FANCB: variants seen among roughly 807,000 people sequenced by gnomAD.
The protein encoded by FANCB is Fanconi anemia group B protein.
FANCB carries 5 observed loss-of-function variants against 38.9 expected under a neutral mutation model. The ratio of observed to expected loss-of-function variants is 0.13; its 90% CI spans 0.07 to 0.27. The LOEUF is 0.27. Ranked by LOEUF, FANCB falls within the 10% of genes least tolerant of loss-of-function variation. FANCB has a pLI of 1.00. For synonymous variants in FANCB, 236 were observed against 215.4 expected, an observed-to-expected ratio of 1.10 and a Z score of -0.84; for missense variants, 573 against 602.7, an observed-to-expected ratio of 0.95 and a Z score of 0.52.
chrX:14,867,620 A>G (rs2092475500), intron 2 of FANCB, among the ~76,000 whole-genome samples: 1 of 111,265 alleles, frequency 9.0e-6, no homozygotes, highest in Non-Finnish European at 1.9e-5. Flanking sequence ...AAATTATTAC[A>G]CTACCAGAAC....
chrX:14,857,983 C>A, intron 4 of FANCB, 29 bp from the exon 5 acceptor site: 4 of 915,741 alleles, frequency 4.4e-6, no homozygotes, highest in Non-Finnish European at 6.3e-6. Context: ...AATAAATACA[C>A]TAAGACTGAA....
At chrX:14,810,449 A>C in the FANCB span, among the ~76,000 whole-genome samples, 1 of 112,146 alleles carries the variant, frequency 8.9e-6, no homozygotes, top group Non-Finnish European at 1.9e-5. Context: ...AGCTAGAATA[A>C]CCAATACAGA....
At chrX:14,722,538 A>G in the FANCB span, among the ~76,000 whole-genome samples, 1 of 111,503 alleles carries the variant, frequency 9.0e-6, no homozygotes, top group Non-Finnish European at 1.9e-5. Flanking sequence ...GGGGATACAG[A>G]CCCCATGTCT....
the FANCB span, among the ~76,000 whole-genome samples, chrX:14,746,087 A>G: frequency 8.9e-6 from 1 of 111,996 alleles, no homozygotes; most frequent in East Asian, 2.8e-4. Flanking sequence ...GGGGAGCAAG[A>G]TGAAGATGTG....
chrX:14,780,327 T>C, the FANCB span, among the ~76,000 whole-genome samples: 1 of 110,930 alleles, frequency 9.0e-6, no homozygotes, highest in African/African-American at 3.4e-5. Flanking sequence ...AAGTCGAATA[T>C]TGAAATCACT....
At chrX:14,696,242 C>T in the FANCB span, among the ~76,000 whole-genome samples, 5 of 103,903 alleles carry the variant, frequency 4.8e-5, no homozygotes, top group Admixed American at 2.1e-4. Context: ...GAGGGAGGGA[C>T]GGAAGTGAAG....
chrX:14,793,556 A>G, the FANCB span, among the ~76,000 whole-genome samples: 1 of 112,416 alleles, frequency 8.9e-6, no homozygotes, highest in Non-Finnish European at 1.9e-5. Context: ...TGTTACGAAA[A>G]AAAGATCAAA....
At chrX:14,858,162 T>C (rs1402247130) in intron 4 of FANCB, among the ~76,000 whole-genome samples, 4 of 110,989 alleles carry the variant, frequency 3.6e-5, no homozygotes, top group African/African-American at 1.3e-4. Flanking sequence ...GAGGCCAAGG[T>C]GGGCAGATCA....
chrX:14,865,984 A>G (rs1196977882), intron 2 of FANCB, among the ~76,000 whole-genome samples: 4 of 111,773 alleles, frequency 3.6e-5, no homozygotes, highest in Non-Finnish European at 7.5e-5. Context: ...TGACAATTCA[A>G]TTAGGGGTTT....
the FANCB span, among the ~76,000 whole-genome samples, chrX:14,714,994 G>C: frequency 1.4e-3 from 157 of 111,756 alleles, no homozygotes; most frequent in African/African-American, 4.1e-3. Context: ...AATTTATTTG[G>C]TAAAATATTT....
chrX:14,756,723 T>C, the FANCB span, among the ~76,000 whole-genome samples: 2 of 111,761 alleles, frequency 1.8e-5, no homozygotes, highest in Non-Finnish European at 3.8e-5. Flanking sequence ...GCTCTTCTCT[T>C]CTCTCCACGT....
chrX:14,708,092 A>G, the FANCB span, among the ~76,000 whole-genome samples: 1 of 110,805 alleles, frequency 9.0e-6, no homozygotes, highest in Non-Finnish European at 1.9e-5. Flanking sequence ...CTATAGTCAC[A>G]TTGTTGTACA....
At chrX:14,763,383 T>C in the FANCB span, among the ~76,000 whole-genome samples, 9 of 111,855 alleles carry the variant, frequency 8.0e-5, no homozygotes, top group Non-Finnish European at 1.3e-4. Context: ...TATGAATGAA[T>C]CTCACAAACT....
At chrX:14,739,010 A>G in the FANCB span, among the ~76,000 whole-genome samples, 4 of 112,195 alleles carry the variant, frequency 3.6e-5, no homozygotes, top group African/African-American at 1.3e-4. Context: ...GGGTTTATGC[A>G]TTTCCTACTT....
chrX:14,789,706 T>C, the FANCB span, among the ~76,000 whole-genome samples: 1 of 111,662 alleles, frequency 9.0e-6, no homozygotes, highest in Non-Finnish European at 1.9e-5. Context: ...GACTGCTTAT[T>C]ATATGAGTGA....
chrX:14,777,176 A>G, the FANCB span, among the ~76,000 whole-genome samples: 1 of 111,931 alleles, frequency 8.9e-6, no homozygotes, highest in African/African-American at 3.3e-5. Context: ...AATCATTACA[A>G]TACTGAAATA....
chrX:14,794,073 G>A, the FANCB span, among the ~76,000 whole-genome samples: 1 of 111,786 alleles, frequency 8.9e-6, no homozygotes, highest in East Asian at 2.8e-4. Context: ...CTAGGACACT[G>A]TTACAAATGT....
the FANCB span, among the ~76,000 whole-genome samples, chrX:14,769,037 G>A: frequency 9.0e-6 from 1 of 111,040 alleles, no homozygotes; most frequent in Non-Finnish European, 1.9e-5. Context: ...TAAACTTTTT[G>A]ACCTGCTGCT....
At chrX:14,748,461 A>G in the FANCB span, among the ~76,000 whole-genome samples, 2 of 112,433 alleles carry the variant, frequency 1.8e-5, no homozygotes, top group East Asian at 5.6e-4. Context: ...GCAGTAATAA[A>G]TGTTTGTTGT....
Sources: allele counts gnomAD v4.1 joint callset (sites outside exome capture counted in the v4.1 genomes callset), GRCh38; gene constraint gnomAD v4.1.1; transcripts MANE v1.5; gene names NCBI Gene and HGNC (gene_info 2026-07-23, HGNC 2026-07-21).